Variants in NTRK1 observed in about 807,000 individuals in gnomAD.
The protein encoded by NTRK1 is high affinity nerve growth factor receptor.
In NTRK1, 62 loss-of-function variants were observed where a neutral mutation model predicts 86.8. The ratio of observed to expected loss-of-function variants is 0.71; its 90% confidence interval spans 0.58 to 0.88. The LOEUF (loss-of-function observed/expected upper bound fraction) is 0.88, where lower values mean the gene tolerates loss of function less well. NTRK1 is among the 40% of genes least tolerant of loss of function. NTRK1 has a pLI of 0.00. For synonymous variants in NTRK1, 469 were observed against 456.6 expected (o/e 1.03, Z -0.35); for missense variants, 967 against 1,078.4 (o/e 0.90, Z 1.45).
chr1:156,862,765 T>C (rs565671213), intron 1 of NTRK1, among the ~76,000 whole-genome samples: 1 of 152,246 alleles, frequency 6.6e-6, no homozygotes, highest in South Asian at 2.1e-4. Context: ...CCCACTGCAT[T>C]CTCACCCCCT....
chr1:156,874,194 G>C (rs1019114602), intron 8 of NTRK1, 189 bp from the exon 9 acceptor site: 1 of 977,342 alleles, frequency 1.0e-6, no homozygotes, highest in Non-Finnish European at 1.6e-6. Flanking sequence ...CATGCAGCAG[G>C]GCATCCTGGC....
At chr1:156,861,180 G>A (rs1366983510) in intron 1 of NTRK1, 34 bp downstream of exon 1, 10 of 1,535,584 alleles carry the variant, frequency 6.5e-6, no homozygotes, top group Middle Eastern at 2.1e-4. Flanking sequence ...GGGGCGCGGG[G>A]ACAGGCAGGC....
rs773294223 is a variant in NTRK1 at position 156,881,519 on chromosome 1, C to T, written c.2268C>T (p.Val756=). Residue 756 remains valine (V), a synonymous_variant, in exon 17 of 17, where the codon GTC becomes GTT. Coordinates refer to ENST00000524377, the MANE Select transcript of NTRK1 (RefSeq NM_002529.4). ...LERPRACPPE[V]YAIMRGCWQR... ...GGCCACGTGCCTGCCCACCAGAGGT[C>T]TACGCCATCATGCGGGGCTGCTGGC... The T allele has an allele frequency of 6.2e-7, 1 of 1,600,678 alleles. No homozygotes were observed. The highest frequency in any genetic ancestry group is 1.1e-5 in the South Asian group (1 of 88,798).
At position 156,879,983 on chromosome 1, in the gene NTRK1, T is replaced by C. The variant is rs12076232; in HGVS notation, c.2047-16T>C. The C allele has an allele frequency of 0.054, 86,342 of 1,611,716 alleles. 4,624 individuals are homozygous for C. Among genetic ancestry groups the C allele is most frequent in the African/African-American group, 0.26 (19,759 of 74,874 alleles). On this transcript the variant is annotated splice_polypyrimidine_tract_variant and intron_variant, in intron 15 of 16. Coordinates refer to ENST00000524377, the MANE Select transcript of NTRK1 (RefSeq NM_002529.4). ...CCAGGCGCCCCTGGAATTGATGCAG[T>C]GTCCGCCCGTGGCAGGTGGGAGGCC...
chr1:156,842,793 T>A (rs1217886431), intron 2 of NTRK1, among the ~76,000 whole-genome samples: 1 of 152,204 alleles, frequency 6.6e-6, no homozygotes, highest in Non-Finnish European at 1.5e-5. Context: ...CAATCATGAC[T>A]GATCTCAGCC....
chr1:156,845,296 C>T (rs755164242), intron 2 of NTRK1: 2 of 1,612,842 alleles, frequency 1.2e-6, no homozygotes, highest in Admixed American at 1.7e-5. Context: ...GCCCTGAGTC[C>T]CTGGGGAGAG....
chr1:156,863,842 A>G (rs1341644209), intron 1 of NTRK1, among the ~76,000 whole-genome samples: 1 of 151,762 alleles, frequency 6.6e-6, no homozygotes, highest in Non-Finnish European at 1.5e-5. Context: ...TTTCAGTACA[A>G]CCTCCCACTG....
At chr1:156,848,955 C>G in intron 2 of NTRK1, 1 of 1,598,256 alleles carries the variant, frequency 6.3e-7, no homozygotes, top group Non-Finnish European at 8.5e-7. Flanking sequence ...CTGAGCAGGT[C>G]GCGGGCCTCC....
At chr1:156,841,213 C>T in intron 1 of NTRK1, 3 of 1,013,832 alleles carry the variant, frequency 3.0e-6, no homozygotes, top group Non-Finnish European at 4.5e-6. Flanking sequence ...GGCCATTATG[C>T]CTGGGAGGGT....
chr1:156,822,175 G>A (rs938416894), intron 1 of NTRK1, among the ~76,000 whole-genome samples: 2 of 152,118 alleles, frequency 1.3e-5, no homozygotes, highest in Admixed American at 6.6e-5. Flanking sequence ...CACCCCCTGT[G>A]CCCTCTCATT....
intron 2 of NTRK1, among the ~76,000 whole-genome samples, chr1:156,849,659 G>A (rs1049097301): frequency 6.6e-6 from 1 of 152,156 alleles, no homozygotes; most frequent in Non-Finnish European, 1.5e-5. Flanking sequence ...TGTCTGCCAA[G>A]TCACCCCATC....
chr1:156,874,214 A>G (rs2102907923), intron 8 of NTRK1, 169 bp from the exon 9 acceptor site: 1 of 1,102,482 alleles, frequency 9.1e-7, no homozygotes, highest in South Asian at 1.3e-5. Flanking sequence ...CCCAGCTGGA[A>G]AAGGGTCACA....
chr1:156,846,035 T>A, intron 2 of NTRK1: 1 of 1,613,912 alleles, frequency 6.2e-7, no homozygotes, highest in Non-Finnish European at 8.5e-7. Flanking sequence ...GAGGTTCCCA[T>A]TGCGCTGGGT....
At chr1:156,871,912 T>C (rs1324128333) in intron 7 of NTRK1, among the ~76,000 whole-genome samples, 157 bp downstream of exon 7, 2 of 152,134 alleles carry the variant, frequency 1.3e-5, no homozygotes, top group Non-Finnish European at 2.9e-5. Context: ...ACCTGATCCT[T>C]TGGGGGAAGT....
chr1:156,878,417 C>G (rs933026321), intron 14 of NTRK1, among the ~76,000 whole-genome samples: 3 of 152,238 alleles, frequency 2.0e-5, no homozygotes, highest in Non-Finnish European at 4.4e-5. Context: ...ACCTGCTTAT[C>G]TGCATCATAC....
At chr1:156,848,121 G>A (rs1012796215) in intron 2 of NTRK1, among the ~76,000 whole-genome samples, 1 of 152,114 alleles carries the variant, frequency 6.6e-6, no homozygotes, top group African/African-American at 2.4e-5. Flanking sequence ...GCCCACGCTG[G>A]AGACCTTCAC....
At chr1:156,879,712 C>A (rs1375894757) in intron 15 of NTRK1, among the ~76,000 whole-genome samples, 3 of 152,162 alleles carry the variant, frequency 2.0e-5, no homozygotes, top group Non-Finnish European at 4.4e-5. Context: ...CTGGTTCAAG[C>A]GATTCTCCTG....
intron 2 of NTRK1, chr1:156,845,554 C>T: frequency 6.3e-6 from 9 of 1,426,832 alleles, no homozygotes; most frequent in South Asian, 1.4e-5. Context: ...CCACCCCTCC[C>T]GCAAGACCCG....
chr1:156,864,886 A>T lies in NTRK1; in HGVS notation c.359+87A>T, dbSNP rs147030341. The T allele has an allele frequency of 4.2e-5, 57 of 1,353,916 alleles. No individual in the cohort carries two copies. The East Asian group carries it at 1.1e-3, about 26-fold the overall frequency. The allele number at this position is 1,353,916 out of a possible 1,614,324, so 83.9% of individuals were successfully genotyped here. On this transcript the variant is annotated intron_variant, in intron 3 of 16. Coordinates refer to ENST00000524377, the MANE Select transcript of NTRK1 (RefSeq NM_002529.4). ...TGGGCTTGGCTGTCCCCGGGGAATG[A>T]TTGCGAGGAGGGCCCAAGCCTGGTC... is the stretch of plus-strand genomic sequence containing the variant.
Sources: allele counts gnomAD v4.1 joint callset (sites outside exome capture counted in the v4.1 genomes callset), GRCh38; gene constraint gnomAD v4.1.1; transcripts MANE v1.5; gene names NCBI Gene and HGNC (gene_info 2026-07-23, HGNC 2026-07-21).